KAZN: variants seen among roughly 807,000 people sequenced by gnomAD.
KAZN encodes the protein kazrin.
KAZN carries 40 observed loss-of-function variants against 87.4 expected under a neutral mutation model. That is an observed-to-expected ratio of 0.46 (90% CI 0.36 to 0.60). The LOEUF (loss-of-function observed/expected upper bound fraction) is 0.60, where lower values mean the gene tolerates loss of function less well. Ranked by LOEUF, KAZN falls within the 20% of genes least tolerant of loss-of-function variation. KAZN has a pLI of 0.00. For synonymous variants in KAZN, 466 were observed against 458.3 expected, an observed-to-expected ratio of 1.02 and a Z score of -0.22; for missense variants, 898 against 1,073.9, an observed-to-expected ratio of 0.84 and a Z score of 2.29.
At position 15,117,132 on chromosome 1, in the gene KAZN, G is replaced by A. The variant is rs1236854225; in HGVS notation, c.*2497G>A. On this transcript the variant is annotated 3_prime_UTR_variant, in exon 15 of 15. Transcript: ENST00000376030. The stretch of plus-strand genomic sequence containing the variant: ...ACCTGAAACGTCAACTCTGCTTCAA[G>A]GTCGGCAAGAAGAACAGAAGGCGGA... 6.6e-6 allele frequency: 1 copy of A among 152,250 alleles called. No individual in the cohort carries two copies. Among genetic ancestry groups the A allele is most frequent in the East Asian group, 1.9e-4 (1 of 5,198 alleles). 9.4% of individuals were successfully genotyped at this position (152,250 alleles called of 1,614,324 possible).
At chr1:14,119,069 C>T (rs528665326) in intron 1 of KAZN, among the ~76,000 whole-genome samples, 1 of 152,242 alleles carries the variant, frequency 6.6e-6, no homozygotes, top group East Asian at 1.9e-4. Flanking sequence ...AAACCCTTTG[C>T]TAGAGCCAGG....
At chr1:14,149,279 T>C (rs1393342415) in intron 1 of KAZN, among the ~76,000 whole-genome samples, 1 of 149,112 alleles carries the variant, frequency 6.7e-6, no homozygotes, top group Non-Finnish European at 1.5e-5. Flanking sequence ...TTTTTTGTAT[T>C]TTTTTTTTTG....
intron 1 of KAZN, among the ~76,000 whole-genome samples, chr1:14,128,305 C>A (rs998489426): frequency 5.9e-5 from 9 of 151,950 alleles, no homozygotes; most frequent in Non-Finnish European, 1.3e-4. Flanking sequence ...GGGAGATCAG[C>A]TCAGTGAGTC....
intron 1 of KAZN, among the ~76,000 whole-genome samples, chr1:14,019,873 G>A (rs7551502): frequency 0.13 from 20,269 of 152,060 alleles, 1,439 homozygotes; most frequent in South Asian, 0.22. Flanking sequence ...GATGGCTGTC[G>A]GGGGATGGTT....
intron 1 of KAZN, among the ~76,000 whole-genome samples, chr1:14,927,739 A>G (rs1659323543): frequency 6.6e-6 from 1 of 152,236 alleles, no homozygotes; most frequent in Admixed American, 6.5e-5. Flanking sequence ...TCAGAAAGCC[A>G]CGTGGCCTTA....
At chr1:15,103,702 G>C (rs199726230) in intron 12 of KAZN, among the ~76,000 whole-genome samples, 1 of 152,076 alleles carries the variant, frequency 6.6e-6, no homozygotes, top group East Asian at 1.9e-4. Flanking sequence ...TTCCAAATAG[G>C]AGCCCCATGT....
At position 14,773,028 on chromosome 1, in the gene KAZN, G is replaced by A. The variant is rs141545321; in HGVS notation, c.226+173805G>A. ...GAGAATGGTATGAATGTCCACAGGC[G>A]GCCTCTTCATGGGGGTCTCAGGAAA... On this transcript the variant is annotated intron_variant, in intron 1 of 14. Coordinates refer to ENST00000376030, the MANE Select transcript of KAZN (RefSeq NM_201628.3). The surrounding 1 kb of genome is among the most constrained non-coding windows in gnomAD (Gnocchi z 5.9). Among the ~76,000 whole-genome samples the A allele has an allele frequency of 1.1e-3, 174 of 152,166 alleles. 1 individual carries two copies. The highest frequency in any genetic ancestry group is 6.8e-3 in the Middle Eastern group (2 of 294).
At position 15,094,206 on chromosome 1, in the gene KAZN, C is replaced by T. The variant is rs772213833; in HGVS notation, c.1249C>T (p.Arg417Trp). The T allele has an allele frequency of 7.4e-6, 12 of 1,613,488 alleles. No individual in the cohort carries two copies. Among genetic ancestry groups the T allele is most frequent in the Middle Eastern group, 1.7e-4 (1 of 5,986 alleles). Residue 417 changes from arginine to tryptophan, a missense_variant, in exon 9 of 15, where the codon CGG becomes TGG. Transcript: ENST00000376030. This position sits in a 1 kb window ranked among gnomAD's most constrained non-coding sequence, Gnocchi z 4.5. ...DDSDSQCSPT[R>W]QSLSLSEGEE... ...CTCGGACAGCCAGTGCAGCCCCACG[C>T]GGCAGAGCCTCAGCCTGTCGGAAGG...
chr1:14,433,368 T>C (rs920544744), intron 2 of KAZN, among the ~76,000 whole-genome samples: 1 of 152,224 alleles, frequency 6.6e-6, no homozygotes, highest in Admixed American at 6.5e-5. Flanking sequence ...GTGCCCAGTT[T>C]CTTTCATTCA....
At chr1:14,480,649 T>TA (rs1162935342) in intron 2 of KAZN, among the ~76,000 whole-genome samples, 2 of 145,050 alleles carry the variant, frequency 1.4e-5, no homozygotes, top group African/African-American at 2.5e-5. Context: ...TATTATAATA[T>TA]ATAATATTTA....
chr1:13,990,095 T>C (rs1639208057), intron 1 of KAZN, among the ~76,000 whole-genome samples: 1 of 152,216 alleles, frequency 6.6e-6, no homozygotes, highest in Non-Finnish European at 1.5e-5. Flanking sequence ...AAACAAACTT[T>C]ACTTTAGAAA....
intron 2 of KAZN, among the ~76,000 whole-genome samples, chr1:14,210,338 C>T (rs1163372847): frequency 6.6e-6 from 1 of 152,170 alleles, no homozygotes; most frequent in Non-Finnish European, 1.5e-5. Context: ...TGTGAGGCTT[C>T]CCCAGCCATG....
chr1:14,117,405 G>A (rs916749679), intron 1 of KAZN, among the ~76,000 whole-genome samples: 1 of 152,194 alleles, frequency 6.6e-6, no homozygotes, highest in Non-Finnish European at 1.5e-5. Context: ...GTTGACTGCT[G>A]CTATGTGAGA....
chr1:14,264,319 C>T (rs1651310120), intron 2 of KAZN, among the ~76,000 whole-genome samples: 1 of 152,180 alleles, frequency 6.6e-6, no homozygotes, highest in Non-Finnish European at 1.5e-5. Context: ...AGGCCACTCA[C>T]ATTCCTTCTC....
Position 14,083,080 on chromosome 1 carries a change from G to C in KAZN, c.92-97355G>C, listed in dbSNP as rs574305146. Among the ~76,000 whole-genome samples, 4 of 152,158 alleles carry C rather than the reference G, an allele frequency of 2.6e-5. No homozygotes were observed. The South Asian group carries it at 8.3e-4, about 32-fold the overall frequency. On this transcript the variant is annotated intron_variant, in intron 1 of 16. Coordinates refer to the KAZN transcript ENST00000636203. ...GGTGGCGGGCACCTGTAGTCCCAGC[G>C]ACTCGGGAGGTTTCCCTGCCACCTC...
intron 1 of KAZN, among the ~76,000 whole-genome samples, chr1:14,636,111 G>T (rs934268066): frequency 6.6e-6 from 1 of 152,170 alleles, no homozygotes; most frequent in Admixed American, 6.5e-5. Flanking sequence ...TGAAGAGAGG[G>T]TGTCAGTAGA....
intron 2 of KAZN, among the ~76,000 whole-genome samples, chr1:14,505,409 C>T (rs917235527): frequency 1.3e-5 from 2 of 152,182 alleles, no homozygotes; most frequent in African/African-American, 4.8e-5. Flanking sequence ...CATGTGATAT[C>T]ATCCACAATT....
chr1:14,396,252 TAGAAA>T (rs1662893977), intron 2 of KAZN, among the ~76,000 whole-genome samples: 2 of 151,766 alleles, frequency 1.3e-5, no homozygotes, highest in Admixed American at 1.3e-4. Flanking sequence ...ATGTGGGCCT[TAGAAA>T]AGATATCTAC....
At chr1:14,006,104 T>C (rs1640027231) in intron 1 of KAZN, among the ~76,000 whole-genome samples, 1 of 152,236 alleles carries the variant, frequency 6.6e-6, no homozygotes, top group African/African-American at 2.4e-5. Flanking sequence ...ATCTGTAGGC[T>C]GCCTTTTTAT....
Sources: gnomAD v4.1 joint callset for allele counts (sites outside exome capture counted in the v4.1 genomes callset) on GRCh38, gnomAD v4.1.1 for gene constraint, Gnocchi (gnomAD v3.1) non-coding constraint, MANE v1.5 for transcripts, NCBI Gene and HGNC (gene_info 2026-07-23, HGNC 2026-07-21) for gene names.